The following APBA2 variants were observed in gnomAD, a reference collection of about 807,000 sequenced individuals.
APBA2 encodes the protein amyloid-beta A4 precursor protein-binding family A member 2.
APBA2 carries 30 observed loss-of-function variants against 75.0 expected under a neutral mutation model. That is an observed-to-expected ratio of 0.40 (90% confidence interval 0.30 to 0.54). The LOEUF (loss-of-function observed/expected upper bound fraction) is 0.54, where lower values mean the gene tolerates loss of function less well. Ranked by LOEUF, APBA2 falls within the 20% of genes least tolerant of loss-of-function variation. The pLI is 0.49. For missense variants in APBA2, 801 were observed against 1,016.1 expected (o/e 0.79, Z 2.88); for synonymous variants, 444 against 409.6 (o/e 1.08, Z -1.01).
chr15:29,035,440 G>A (rs1349916930), intron 3 of APBA2, among the ~76,000 whole-genome samples: 2 of 152,122 alleles, frequency 1.3e-5, no homozygotes, highest in East Asian at 1.9e-4. Flanking sequence ...CCCTGCTCAG[G>A]CCAGTTAAGT....
chr15:29,091,777 G>A (rs1566997055), intron 6 of APBA2, among the ~76,000 whole-genome samples: 1 of 152,174 alleles, frequency 6.6e-6, no homozygotes, highest in Non-Finnish European at 1.5e-5. Context: ...GAATGGGTTA[G>A]AGGTGAGACC....
At chr15:29,116,791 C>T (rs906427070) in intron 14 of APBA2, among the ~76,000 whole-genome samples, 2 of 152,302 alleles carry the variant, frequency 1.3e-5, no homozygotes, top group East Asian at 3.9e-4. Context: ...ATTTCTCACC[C>T]CTCGGGTGTC....
intron 10 of APBA2, 64 bp from the exon 11 acceptor site, chr15:29,105,315 G>A: frequency 6.6e-7 from 1 of 1,519,210 alleles, no homozygotes; most frequent in Non-Finnish European, 9.0e-7. Flanking sequence ...GCAGCCCCCT[G>A]CTGAGGAGGC....
At chr15:29,074,799 A>G (rs1038859565) in intron 4 of APBA2, 122 bp from the exon 5 acceptor site, 2 of 775,832 alleles carry the variant, frequency 2.6e-6, no homozygotes, top group Admixed American at 4.0e-5. Flanking sequence ...CTGCACACAC[A>G]CCTATACACA....
intron 3 of APBA2, among the ~76,000 whole-genome samples, chr15:29,012,971 A>C (rs903238210): frequency 1.3e-5 from 2 of 152,090 alleles, no homozygotes; most frequent in African/African-American, 4.8e-5. Flanking sequence ...GTAATTATCT[A>C]CTTGTCATGA....
At chr15:29,093,259 A>G in intron 7 of APBA2, 39 bp downstream of exon 7, 1 of 1,611,796 alleles carries the variant, frequency 6.2e-7, no homozygotes, top group Non-Finnish European at 8.5e-7. Context: ...ATGCCCGCAC[A>G]CTTTGGGGGG....
At chr15:29,043,562 C>G (rs1287204137) in intron 3 of APBA2, among the ~76,000 whole-genome samples, 1 of 152,218 alleles carries the variant, frequency 6.6e-6, no homozygotes. Context: ...TTGCTAACGT[C>G]TTAATGCATT....
At chr15:29,033,060 G>A (rs1020070156) in intron 3 of APBA2, among the ~76,000 whole-genome samples, 8 of 152,178 alleles carry the variant, frequency 5.3e-5, no homozygotes, top group Admixed American at 3.9e-4. Flanking sequence ...CATCACTCAG[G>A]GCTGGCCCCT....
At chr15:28,925,628 G>C (rs1254159933) in intron 2 of APBA2, among the ~76,000 whole-genome samples, 1 of 152,164 alleles carries the variant, frequency 6.6e-6, no homozygotes, top group East Asian at 1.9e-4. Context: ...GTGCAAGCTT[G>C]AGAAGAATGT....
At chr15:29,116,116 A>G (rs1165376846) in intron 14 of APBA2, among the ~76,000 whole-genome samples, 1 of 152,118 alleles carries the variant, frequency 6.6e-6, no homozygotes, top group East Asian at 1.9e-4. Flanking sequence ...GTCCGCAAAG[A>G]AGGATTACAA....
chr15:29,084,701 A>G (rs558505627), intron 6 of APBA2, among the ~76,000 whole-genome samples: 98 of 152,358 alleles, frequency 6.4e-4, no homozygotes, highest in African/African-American at 2.3e-3. Flanking sequence ...AGATTGGTCA[A>G]TGCATTTCAT....
intron 1 of APBA2, among the ~76,000 whole-genome samples, chr15:28,913,066 G>A (rs368204732): frequency 2.0e-5 from 3 of 152,326 alleles, no homozygotes; most frequent in South Asian, 2.1e-4. Flanking sequence ...GCGTTTTGTC[G>A]TATATAAAGC....
At chr15:29,075,087 GT>G (rs1235818347) in intron 5 of APBA2, 86 bp downstream of exon 5, 36 of 1,014,964 alleles carry the variant, frequency 3.5e-5, no homozygotes, top group Non-Finnish European at 5.3e-5. Flanking sequence ...TGCTCACTTT[GT>G]CCATGATGTT....
intron 12 of APBA2, among the ~76,000 whole-genome samples, chr15:29,107,516 T>C (rs1419766242): frequency 6.6e-6 from 1 of 152,174 alleles, no homozygotes; most frequent in Non-Finnish European, 1.5e-5. Context: ...CTTCCTCCTC[T>C]TTGTTCGGCA....
Position 28,886,188 on chromosome 15 carries a change from C to G in APBA2, c.-295C>G, listed in dbSNP as rs1250904415. 13 of 150,954 alleles carry G rather than the reference C, an allele frequency of 8.6e-5. No individual in the cohort carries two copies. The East Asian group carries it at 2.5e-3, about 29-fold the overall frequency. The allele number at this position is 150,954 out of a possible 1,614,324, so 9.4% of individuals were successfully genotyped here. A position where few individuals can be genotyped will look rare whatever the true frequency, so the allele number is the denominator to read the frequency against. On this transcript the variant is annotated 5_prime_UTR_variant, in exon 1 of 15. Transcript: ENST00000683413. ...AGCAGTCGCGGTGTGCGGCTCGGCG[C>G]GGGCTCACAAAGAGCTCGGCCTCGC...
chr15:29,109,086 A>G (rs940792264), intron 13 of APBA2, among the ~76,000 whole-genome samples: 2 of 152,252 alleles, frequency 1.3e-5, no homozygotes, highest in Non-Finnish European at 2.9e-5. Flanking sequence ...AAGGGCTGGC[A>G]ATACCCAAAT....
intron 3 of APBA2, among the ~76,000 whole-genome samples, chr15:29,006,623 T>C (rs1160495115): frequency 6.6e-6 from 1 of 152,202 alleles, no homozygotes. Context: ...AGCAAAGTCA[T>C]GTTTTACATG....
intron 3 of APBA2, among the ~76,000 whole-genome samples, chr15:29,003,199 G>T (rs535053559): frequency 6.6e-6 from 1 of 152,140 alleles, no homozygotes; most frequent in African/African-American, 2.4e-5. Context: ...GCGGCATGGG[G>T]TGGAGGCCCG....
rs188612936 is a variant in APBA2, at chr15:29,062,587, C to A, written c.951+7752C>A. 5.3e-5 allele frequency among the ~76,000 whole-genome samples: 8 copies of A among 152,234 alleles called. No homozygotes were observed. In the East Asian group the frequency reaches 1.4e-3, roughly 26 times the overall value. On this transcript the variant is annotated intron_variant, in intron 4 of 14. Coordinates refer to ENST00000683413, the MANE Select transcript of APBA2 (RefSeq NM_001353788.2). ...ATGGGTGGCTGTTATTTTCAGGGAG[C>A]AGTTTATCTATCAGGATCTGGGATT...
Sources: allele counts gnomAD v4.1 joint callset (sites outside exome capture counted in the v4.1 genomes callset), GRCh38; gene constraint gnomAD v4.1.1; transcripts MANE v1.5; gene names NCBI Gene and HGNC (gene_info 2026-07-23, HGNC 2026-07-21).